EML5: variants seen among roughly 807,000 people sequenced by gnomAD.
EML5 encodes the protein echinoderm microtubule-associated protein-like 5.
Under a neutral mutation model 250.0 loss-of-function variants are expected in EML5, and 120 were observed. That is an observed-to-expected ratio of 0.48 (90% CI 0.41 to 0.56). The LOEUF is 0.56. Ranked by LOEUF, EML5 falls within the 20% of genes least tolerant of loss-of-function variation. The pLI is 0.00. For missense variants in EML5, 2,006 were observed against 2,437.6 expected (o/e 0.82, Z 3.73); for synonymous variants, 771 against 806.5 (o/e 0.96, Z 0.75).
At chr14:88,622,023 ATCCCCC>A (rs965293097) in intron 37 of EML5, 16 of 332,180 alleles carry the variant, frequency 4.8e-5, no homozygotes, top group African/African-American at 2.5e-4. Context: ...GTCCTTCCCT[ATCCCCC>A]TCCCCCTCCC....
intron 25 of EML5, among the ~76,000 whole-genome samples, chr14:88,660,091 C>CA (rs1179338632): frequency 1.3e-5 from 2 of 151,830 alleles, no homozygotes; most frequent in African/African-American, 2.4e-5. Flanking sequence ...GCATAGGCAA[C>CA]ATCTGGAGAC....
rs569658210 is a variant in EML5 at position 88,704,754 on chromosome 14, G to A, written c.2051+106C>T. The stretch of plus-strand genomic sequence containing the variant: ...CCCATGGGCAATGTTGTATCCTTTC[G>A]GATATGTCATTTCAGGGGATACAGT... On this transcript the variant is annotated intron_variant, in intron 13 of 43. Transcript: ENST00000554922. 2.1e-3 allele frequency: 1,588 copies of A among 762,200 alleles called. 7 individuals are homozygous for A. The highest frequency in any genetic ancestry group is 2.8e-3 in the Non-Finnish European group (1,309 of 472,382). 47.2% of individuals were successfully genotyped at this position (762,200 alleles called of 1,614,324 possible).
chr14:88,777,643 A>T (rs537288560), intron 1 of EML5, among the ~76,000 whole-genome samples: 1 of 152,346 alleles, frequency 6.6e-6, no homozygotes, highest in Non-Finnish European at 1.5e-5. Context: ...TTTTTAAGAC[A>T]TACGCAGTAC....
At chr14:88,761,707 T>C (rs955221603) in intron 1 of EML5, among the ~76,000 whole-genome samples, 1 of 152,238 alleles carries the variant, frequency 6.6e-6, no homozygotes, top group Non-Finnish European at 1.5e-5. Flanking sequence ...TTTGGGTATA[T>C]ACCCAGTAAT....
intron 3 of EML5, among the ~76,000 whole-genome samples, chr14:88,744,970 A>T (rs916794380): frequency 6.6e-6 from 1 of 152,120 alleles, no homozygotes; most frequent in East Asian, 1.9e-4. Flanking sequence ...TATGAAAAAC[A>T]TATCAATGCA....
chr14:88,709,062 T>C (rs1288500811), intron 10 of EML5, among the ~76,000 whole-genome samples: 1 of 152,108 alleles, frequency 6.6e-6, no homozygotes, highest in East Asian at 1.9e-4. Flanking sequence ...AAGGGTAATA[T>C]GATCTAAATA....
intron 21 of EML5, among the ~76,000 whole-genome samples, chr14:88,670,709 T>A (rs1184215293): frequency 6.6e-6 from 1 of 151,992 alleles, no homozygotes; most frequent in Non-Finnish European, 1.5e-5. Flanking sequence ...AATAACCAGT[T>A]TAGAGAAGAA....
rs975611934 is a variant in EML5 at position 88,649,761 on chromosome 14, C to T, written c.4019+151G>A. ...ATATATGCTATCTAAAAATGCAACTCTTTTATAGAATTTGTCCTACTTCAT... is the reference window on the plus strand; with the variant it reads ...ATATATGCTATCTAAAAATGCAACTTTTTTATAGAATTTGTCCTACTTCAT... On this transcript the variant is annotated intron_variant, in intron 28 of 43. Transcript: ENST00000554922. 1.5e-5 allele frequency: 9 copies of T among 602,226 alleles called. No individual in the cohort carries two copies. In the South Asian group the frequency reaches 2.5e-4, roughly 16 times the overall value. 37.3% of individuals were successfully genotyped at this position (602,226 alleles called of 1,614,324 possible).
At chr14:88,658,055 T>C (rs2091936789) in intron 26 of EML5, 132 bp downstream of exon 26, 3 of 850,430 alleles carry the variant, frequency 3.5e-6, no homozygotes, top group Admixed American at 2.8e-5. Context: ...TGGATTTTGA[T>C]GTTAAACAGA....
At chr14:88,626,616 C>CA (rs34372433) in intron 35 of EML5, 8,999 of 473,252 alleles carry the variant, frequency 0.019, 1 homozygote, top group East Asian at 0.033. Flanking sequence ...GATACTGTGT[C>CA]AAAAAAAAAA....
In EML5 at chr14:88,694,376, T is replaced by C. The variant is rs746192289; in HGVS notation, c.2470A>G (p.Met824Val). 32 of 1,590,102 alleles carry C rather than the reference T, an allele frequency of 2.0e-5. No homozygotes were observed. The highest frequency in any genetic ancestry group is 3.6e-5 in the Admixed American group (2 of 56,220). The change falls in exon 17 of 44, where the codon ATG (methionine) becomes GTG (valine). Residue 824 changes from methionine to valine, a missense_variant. Physicochemically the swap from Met to Val is conservative, Grantham distance 21. Coordinates refer to ENST00000554922, the MANE Select transcript of EML5 (RefSeq NM_183387.3). Reference sequence around the variant, plus strand: ...AGTTTATCAGGCACATAGGGGTTCATCTTTACAACAAAAATCTTATCTTTA... The same window carrying C: ...AGTTTATCAGGCACATAGGGGTTCACCTTTACAACAAAAATCTTATCTTTA... ...GSKDKIFVVK[M>V]NPYVPDKLIT... is the part of the protein sequence containing the mutation.
chr14:88,634,941 G>A (rs2090637947), intron 32 of EML5, among the ~76,000 whole-genome samples: 2 of 152,036 alleles, frequency 1.3e-5, no homozygotes, highest in Admixed American at 1.3e-4. Flanking sequence ...TCTGTCTCCA[G>A]GGAAGAATTA....
intron 8 of EML5, 66 bp downstream of exon 8, chr14:88,726,475 G>C (rs1308822129): frequency 1.2e-5 from 16 of 1,390,780 alleles, no homozygotes; most frequent in Admixed American, 2.4e-5. Context: ...TCGCTGAAGA[G>C]AAAATTACTT....
chr14:88,740,084 T>C (rs2093902813), intron 5 of EML5, among the ~76,000 whole-genome samples: 1 of 152,322 alleles, frequency 6.6e-6, no homozygotes, highest in East Asian at 1.9e-4. Context: ...TATTCTGGTG[T>C]GGTTAATCTA....
intron 21 of EML5, among the ~76,000 whole-genome samples, chr14:88,667,804 T>C (rs2092347643): frequency 6.6e-6 from 1 of 152,218 alleles, no homozygotes; most frequent in Non-Finnish European, 1.5e-5. Context: ...ACCATCACTG[T>C]AATGGCTCTA....
rs760230310 is a variant in EML5, at chr14:88,715,154, G to T, written c.1229C>A (p.Ala410Glu). The change falls in exon 9 of 44, where the codon GCA becomes GAA. Residue 410 changes from alanine to glutamate, a missense_variant. This residue lies in a region of EML5 where 1,375 missense variants were observed against 1,590.3 expected (regional missense o/e 0.86). Coordinates refer to ENST00000554922, the MANE Select transcript of EML5 (RefSeq NM_183387.3). ...TGGTGAATATTTTAACTCATGAATTGCCTCCTTCCTATCTTTAATATGTAC... is the reference window on the plus strand; with the variant it reads ...TGGTGAATATTTTAACTCATGAATTTCCTCCTTCCTATCTTTAATATGTAC... ...EVVHIKDRKE[A>E]IHELKYSPDG... 2 of 1,607,464 alleles carry T rather than the reference G, an allele frequency of 1.2e-6. No individual in the cohort carries two copies. The highest frequency in any genetic ancestry group is 1.7e-6 in the Non-Finnish European group (2 of 1,176,546).
intron 1 of EML5, among the ~76,000 whole-genome samples, chr14:88,760,881 G>A (rs1245688541): frequency 1.3e-4 from 20 of 151,940 alleles, no homozygotes; most frequent in Admixed American, 1.3e-3. Flanking sequence ...CATAGATTTT[G>A]TAAAATTTAT....
intron 27 of EML5, 54 bp downstream of exon 27, chr14:88,657,322 C>T: frequency 6.7e-7 from 1 of 1,498,788 alleles, no homozygotes; most frequent in Non-Finnish European, 9.0e-7. Flanking sequence ...ATAATAAATT[C>T]CATTTTTAAT....
intron 1 of EML5, among the ~76,000 whole-genome samples, chr14:88,767,943 C>T (rs2094341622): frequency 6.6e-6 from 1 of 152,118 alleles, no homozygotes; most frequent in African/African-American, 2.4e-5. Context: ...ATCCAGGATC[C>T]CATGCTGCAT....
Sources: allele counts gnomAD v4.1 joint callset (sites outside exome capture counted in the v4.1 genomes callset), GRCh38; gene constraint gnomAD v4.1.1; regional missense constraint gnomAD v4.1.1; transcripts MANE v1.5; gene names NCBI Gene and HGNC (gene_info 2026-07-23, HGNC 2026-07-21).